Variants in EPHA6 observed in about 807,000 individuals in gnomAD.
The protein encoded by EPHA6 is ephrin type-A receptor 6.
In EPHA6, 50 loss-of-function variants were observed where a neutral mutation model predicts 112.0. The observed-to-expected ratio is 0.45, with a 90% CI of 0.36 to 0.56. The LOEUF is 0.56. EPHA6 is among the 20% of genes least tolerant of loss of function. EPHA6 has a pLI of 0.00. For missense variants in EPHA6, 1,280 were observed against 1,417.4 expected (o/e 0.90, Z 1.56); for synonymous variants, 529 against 490.7 (o/e 1.08, Z -1.03).
At chr3:97,085,595 G>A (rs1474496579) in intron 3 of EPHA6, among the ~76,000 whole-genome samples, 2 of 151,800 alleles carry the variant, frequency 1.3e-5, no homozygotes, top group African/African-American at 4.8e-5. Context: ...AGTGCATTTC[G>A]CAGATTCACC....
intron 5 of EPHA6, among the ~76,000 whole-genome samples, chr3:97,273,576 G>C (rs184855151): frequency 6.6e-6 from 1 of 152,154 alleles, no homozygotes; most frequent in Admixed American, 6.5e-5. Context: ...AGTGGTAAGA[G>C]TATTGTCCAT....
At chr3:96,859,359 AGT>A (rs1240921979) in intron 1 of EPHA6, among the ~76,000 whole-genome samples, 1 of 151,438 alleles carries the variant, frequency 6.6e-6, no homozygotes, top group African/African-American at 2.4e-5. Context: ...AGATTACTAA[AGT>A]GTTTACCTCT....
At chr3:97,733,116 T>G (rs577988800) in intron 15 of EPHA6, among the ~76,000 whole-genome samples, 1 of 152,148 alleles carries the variant, frequency 6.6e-6, no homozygotes, top group East Asian at 1.9e-4. Context: ...AGCAACTTTG[T>G]CAAGAGGCAT....
chr3:97,328,094 A>C (rs2108809964), intron 5 of EPHA6, among the ~76,000 whole-genome samples: 1 of 127,928 alleles, frequency 7.8e-6, no homozygotes, highest in South Asian at 2.3e-4. Context: ...GTTTTGTATA[A>C]TCATTCATTG....
At chr3:97,447,102 G>A (rs1390592656) in intron 6 of EPHA6, among the ~76,000 whole-genome samples, 2 of 151,970 alleles carry the variant, frequency 1.3e-5, no homozygotes, top group Non-Finnish European at 2.9e-5. Context: ...GCTAGACACA[G>A]AATAACCAAA....
intron 5 of EPHA6, among the ~76,000 whole-genome samples, chr3:97,324,190 A>T (rs928261457): frequency 5.3e-5 from 8 of 151,992 alleles, no homozygotes; most frequent in Non-Finnish European, 7.4e-5. Flanking sequence ...TTCTTCAAAG[A>T]TTCCTGCTTA....
At chr3:97,249,842 C>G (rs2079083794) in intron 5 of EPHA6, among the ~76,000 whole-genome samples, 1 of 152,104 alleles carries the variant, frequency 6.6e-6, no homozygotes, top group Non-Finnish European at 1.5e-5. Flanking sequence ...TATTTATTGA[C>G]TGTTTAGCTT....
chr3:96,916,821 T>C (rs2039504765), intron 2 of EPHA6, among the ~76,000 whole-genome samples: 1 of 152,156 alleles, frequency 6.6e-6, no homozygotes, highest in South Asian at 2.1e-4. Flanking sequence ...TCAGGAAATA[T>C]AAGAATCCCA....
At chr3:97,316,020 C>G (rs1390561650) in intron 5 of EPHA6, among the ~76,000 whole-genome samples, 1 of 151,720 alleles carries the variant, frequency 6.6e-6, no homozygotes, top group African/African-American at 2.4e-5. Context: ...TTTATTTGCT[C>G]AAACATATAG....
intron 6 of EPHA6, among the ~76,000 whole-genome samples, chr3:97,421,754 T>C (rs2088657532): frequency 6.6e-6 from 1 of 152,178 alleles, no homozygotes; most frequent in African/African-American, 2.4e-5. Flanking sequence ...ATAACATTGT[T>C]GCACAATGAG....
intron 3 of EPHA6, among the ~76,000 whole-genome samples, chr3:97,222,332 A>G (rs1322452653): frequency 6.6e-6 from 1 of 152,176 alleles, no homozygotes; most frequent in Non-Finnish European, 1.5e-5. Flanking sequence ...TAATATTGAA[A>G]TAGAGAAATA....
chr3:97,404,271 G>A (rs1420025006), intron 5 of EPHA6, among the ~76,000 whole-genome samples: 2 of 151,792 alleles, frequency 1.3e-5, no homozygotes, highest in East Asian at 1.9e-4. Flanking sequence ...CCAACAATGT[G>A]GTAAAGTATT....
chr3:97,463,064 G>A (rs912637280), intron 7 of EPHA6, among the ~76,000 whole-genome samples: 4 of 152,046 alleles, frequency 2.6e-5, no homozygotes, highest in Admixed American at 6.6e-5. Flanking sequence ...TACAAGAATA[G>A]TCCAAATTTC....
chr3:97,244,337 G>A, intron 5 of EPHA6, 50 bp downstream of exon 5: 2 of 1,492,306 alleles, frequency 1.3e-6, no homozygotes, highest in Non-Finnish European at 1.9e-6. Flanking sequence ...TTCTTTTGAT[G>A]CATAAATATC....
intron 3 of EPHA6, among the ~76,000 whole-genome samples, chr3:97,030,782 A>G (rs958907582): frequency 1.3e-5 from 2 of 152,080 alleles, no homozygotes; most frequent in African/African-American, 4.8e-5. Context: ...ATTTATATCT[A>G]CTATGAATAT....
chr3:97,696,374 C>A (rs1322503022), intron 14 of EPHA6, among the ~76,000 whole-genome samples: 5 of 152,208 alleles, frequency 3.3e-5, no homozygotes, highest in African/African-American at 2.4e-5. Flanking sequence ...AATTCTTTCA[C>A]AGGTTCTTTG....
At chr3:96,822,634 T>C (rs1047223647) in intron 1 of EPHA6, among the ~76,000 whole-genome samples, 6 of 151,482 alleles carry the variant, frequency 4.0e-5, no homozygotes, top group African/African-American at 1.4e-4. Context: ...TTTACTCTTG[T>C]AATGTTAGGT....
intron 3 of EPHA6, among the ~76,000 whole-genome samples, chr3:97,189,431 G>A (rs2077242830): frequency 6.6e-6 from 1 of 152,022 alleles, no homozygotes. Context: ...AGAACAAGGA[G>A]CAGTAAAATT....
chr3:97,460,268 C>T (rs2107380223), intron 7 of EPHA6, among the ~76,000 whole-genome samples: 1 of 152,302 alleles, frequency 6.6e-6, no homozygotes, highest in East Asian at 1.9e-4. Context: ...ATATTATCTT[C>T]CTTTGCTCTA....
Sources: gnomAD v4.1 joint callset for allele counts (sites outside exome capture counted in the v4.1 genomes callset) on GRCh38, gnomAD v4.1.1 for gene constraint, MANE v1.5 for transcripts, NCBI Gene and HGNC (gene_info 2026-07-23, HGNC 2026-07-21) for gene names.